Variants in PPP2R5E observed in about 807,000 individuals in gnomAD.
PPP2R5E encodes protein phosphatase 2 regulatory subunit B'epsilon.
PPP2R5E carries 4 observed loss-of-function variants against 65.3 expected under a neutral mutation model. That is an observed-to-expected ratio of 0.06 (90% CI 0.03 to 0.14). The LOEUF is 0.14. PPP2R5E is among the 10% of genes least tolerant of loss of function. PPP2R5E has a pLI of 1.00. For missense variants in PPP2R5E, 274 were observed against 556.1 expected (o/e 0.49, Z 5.10); for synonymous variants, 183 against 187.4 (o/e 0.98, Z 0.19).
rs187776861 is a variant in PPP2R5E, at chr14:63,536,673, C to A, written c.157+2856G>T. 5.2e-3 allele frequency among the ~76,000 whole-genome samples: 788 copies of A among 152,280 alleles called. 6 individuals carry two copies. The highest frequency in any genetic ancestry group is 0.018 in the African/African-American group (750 of 41,552). On this transcript the variant is annotated intron_variant, in intron 2 of 13. Transcript: ENST00000337537. ...AAAAAGTATATGGTATGTATATACA[C>A]TGAAATTATTCAGCCTTAAAAAAGA...
intron 2 of PPP2R5E, among the ~76,000 whole-genome samples, chr14:63,487,706 T>A (rs1406701002): frequency 6.6e-6 from 1 of 152,214 alleles, no homozygotes; most frequent in Non-Finnish European, 1.5e-5. Context: ...ATAATCTCAA[T>A]CGTGTATGCT....
At chr14:63,488,275 G>A (rs192790680) in intron 2 of PPP2R5E, among the ~76,000 whole-genome samples, 112 of 151,744 alleles carry the variant, frequency 7.4e-4, no homozygotes, top group South Asian at 2.7e-3. Context: ...ATTGCTCACT[G>A]CAGCCTCAAA....
intron 4 of PPP2R5E, among the ~76,000 whole-genome samples, chr14:63,415,832 C>T (rs1291854561): frequency 2.6e-5 from 4 of 152,102 alleles, no homozygotes; most frequent in South Asian, 2.1e-4. Context: ...CATCATTCTG[C>T]GACAACGTGC....
At chr14:63,417,616 T>C (rs1446623827) in intron 4 of PPP2R5E, among the ~76,000 whole-genome samples, 4 of 152,208 alleles carry the variant, frequency 2.6e-5, no homozygotes, top group Non-Finnish European at 5.9e-5. Flanking sequence ...CATTGTATCA[T>C]GTAGAATATT....
At chr14:63,380,201 T>A (rs1015355393) in intron 13 of PPP2R5E, among the ~76,000 whole-genome samples, 2 of 152,118 alleles carry the variant, frequency 1.3e-5, no homozygotes, top group Admixed American at 1.3e-4. Context: ...AATAATAATG[T>A]GCTTTCAGAG....
At chr14:63,532,519 A>C (rs552062671) in intron 2 of PPP2R5E, among the ~76,000 whole-genome samples, 58 of 152,350 alleles carry the variant, frequency 3.8e-4, no homozygotes, top group Non-Finnish European at 7.1e-4. Context: ...TAATTTTCAG[A>C]GAAATTTCCA....
Position 63,393,892 on chromosome 14 carries a change from T to C in PPP2R5E, c.777A>G (p.Glu259=), listed in dbSNP as rs376931507. ...INGFALPLKA[E]HKQFLVKVLI... ...ATACTTTCACCAGAAACTGTTTGTGTTCTGCCTTAAGAGGTAAAGCAAAGC... is the reference window on the plus strand; with the variant it reads ...ATACTTTCACCAGAAACTGTTTGTGCTCTGCCTTAAGAGGTAAAGCAAAGC... Residue 259 remains glutamate (E), a synonymous_variant, in exon 8 of 14, where the codon GAA becomes GAG. Transcript: ENST00000337537. 6.2e-7 allele frequency: 1 copy of C among 1,612,012 alleles called. No homozygotes were observed. The highest frequency in any genetic ancestry group is 8.5e-7 in the Non-Finnish European group (1 of 1,178,246).
chr14:63,420,554 T>C (rs1206170239), intron 4 of PPP2R5E, among the ~76,000 whole-genome samples: 1 of 152,052 alleles, frequency 6.6e-6, no homozygotes, highest in Non-Finnish European at 1.5e-5. Context: ...CACGCCTGAG[T>C]AAGAGCTGAG....
At chr14:63,476,160 A>G (rs556460178) in intron 2 of PPP2R5E, among the ~76,000 whole-genome samples, 52 of 152,326 alleles carry the variant, frequency 3.4e-4, no homozygotes, top group Non-Finnish European at 7.1e-4. Flanking sequence ...CTCACATTTG[A>G]AAGTAGGAAG....
Position 63,490,790 on chromosome 14 carries a change from G to A in PPP2R5E, c.158-36905C>T, listed in dbSNP as rs185021578. ...ACGCTCATACACTGATGATGGGATT[G>A]TAAATTAGTTCAGCCCCTATGTTAA... On this transcript the variant is annotated intron_variant, in intron 2 of 13. Transcript: ENST00000337537. 1.3e-5 allele frequency among the ~76,000 whole-genome samples: 2 copies of A among 152,110 alleles called. 1 individual carries two copies. Among genetic ancestry groups the A allele is most frequent in the South Asian group, 4.1e-4 (2 of 4,832 alleles).
At chr14:63,419,685 G>C (rs1886897625) in intron 4 of PPP2R5E, among the ~76,000 whole-genome samples, 1 of 152,184 alleles carries the variant, frequency 6.6e-6, no homozygotes, top group African/African-American at 2.4e-5. Flanking sequence ...TACTATGAAT[G>C]AAGGTTGATT....
At chr14:63,527,483 T>C (rs573563102) in intron 2 of PPP2R5E, among the ~76,000 whole-genome samples, 1 of 152,354 alleles carries the variant, frequency 6.6e-6, no homozygotes, top group African/African-American at 2.4e-5. Context: ...TGCCATTGTG[T>C]ACTTTTTCCT....
intron 2 of PPP2R5E, among the ~76,000 whole-genome samples, chr14:63,531,120 A>G (rs1893415266): frequency 1.3e-5 from 2 of 152,250 alleles, no homozygotes; most frequent in African/African-American, 4.8e-5. Flanking sequence ...GAGAGCCAAG[A>G]TAGCGCCATT....
intron 2 of PPP2R5E, among the ~76,000 whole-genome samples, chr14:63,483,841 TTGGGAGGCCGAGGCGGG>T (rs967472046): frequency 6.6e-6 from 1 of 151,908 alleles, no homozygotes; most frequent in African/African-American, 2.4e-5. Flanking sequence ...TCCCAGCACT[TTGGGAGGCCGAGGCGGG>T]TGGATCACGA....
At chr14:63,385,922 C>T (rs1294254268) in intron 11 of PPP2R5E, among the ~76,000 whole-genome samples, 5 of 152,180 alleles carry the variant, frequency 3.3e-5, no homozygotes, top group South Asian at 2.1e-4. Context: ...TCTCTGCCCA[C>T]CATGCTATCA....
In PPP2R5E at chr14:63,409,754, A is replaced by G. The variant is rs1485936513; in HGVS notation, c.549+5386T>C. Among the ~76,000 whole-genome samples, 7 of 152,228 alleles carry G rather than the reference A, an allele frequency of 4.6e-5. No individual in the cohort carries two copies. The East Asian group carries it at 1.3e-3, about 29-fold the overall frequency. ...ATCCACACTGCCAAGTGAACTAAGCAGATTTGACAACTGTCGATTTTGACG... is the reference window on the plus strand; with the variant it reads ...ATCCACACTGCCAAGTGAACTAAGCGGATTTGACAACTGTCGATTTTGACG... On this transcript the variant is annotated intron_variant, in intron 5 of 13. Transcript: ENST00000337537.
intron 2 of PPP2R5E, among the ~76,000 whole-genome samples, chr14:63,504,654 G>A (rs1437635096): frequency 1.3e-5 from 2 of 152,078 alleles, no homozygotes; most frequent in Admixed American, 6.6e-5. Flanking sequence ...GATGTTTGGG[G>A]GAATGAGATA....
chr14:63,525,337 T>C (rs934040529), intron 2 of PPP2R5E, among the ~76,000 whole-genome samples: 6 of 152,196 alleles, frequency 3.9e-5, no homozygotes, highest in African/African-American at 1.4e-4. Flanking sequence ...ATTTTTCAAA[T>C]GATGCAGATC....
At chr14:63,425,905 C>A (rs1467108110) in intron 3 of PPP2R5E, among the ~76,000 whole-genome samples, 1 of 152,120 alleles carries the variant, frequency 6.6e-6, no homozygotes, top group Non-Finnish European at 1.5e-5. Flanking sequence ...AAAAGAAGGC[C>A]AAGTTGGGTA....
Sources: gnomAD v4.1 joint callset for allele counts (sites outside exome capture counted in the v4.1 genomes callset) on GRCh38, gnomAD v4.1.1 for gene constraint, MANE v1.5 for transcripts, NCBI Gene and HGNC (gene_info 2026-07-23, HGNC 2026-07-21) for gene names.